The following MYLK variants were observed in gnomAD, a reference collection of about 807,000 sequenced individuals.
The protein encoded by MYLK is myosin light chain kinase, smooth muscle.
Under a neutral mutation model 203.4 loss-of-function variants are expected in MYLK, and 106 were observed. The ratio of observed to expected loss-of-function variants is 0.52; its 90% CI spans 0.45 to 0.61. MYLK has a LOEUF of 0.61. MYLK is among the 20% of genes least tolerant of loss of function. MYLK has a pLI of 0.00. For missense variants in MYLK, 2,072 were observed against 2,442.3 expected (o/e 0.85, Z 3.20); for synonymous variants, 867 against 959.5 (o/e 0.90, Z 1.78).
At chr3:123,713,579 A>AGTGTG (rs2061783782) in intron 13 of MYLK, among the ~76,000 whole-genome samples, 44 of 136,460 alleles carry the variant, frequency 3.2e-4, no homozygotes, top group East Asian at 1.7e-3. Context: ...GAGCAACACA[A>AGTGTG]TGTGTGTGTG....
rs112855952 is a variant in MYLK at position 123,769,964 on chromosome 3, C to T, written c.166-17426G>A. On this transcript the variant is annotated intron_variant, in intron 4 of 33. Transcript: ENST00000360304. ...GCAAGGCTGCTCACGAGTACTAAAG[C>T]TGGCATTAATCCTGGGAGTATACAT... 6.2e-3 allele frequency among the ~76,000 whole-genome samples: 943 copies of T among 152,210 alleles called. 13 individuals are homozygous for T. Among genetic ancestry groups the T allele is most frequent in the African/African-American group, 0.021 (853 of 41,514 alleles).
At chr3:123,693,050 C>G (rs1329625695) in intron 18 of MYLK, among the ~76,000 whole-genome samples, 199 bp from the exon 19 acceptor site, 1 of 152,114 alleles carries the variant, frequency 6.6e-6, no homozygotes, top group Non-Finnish European at 1.5e-5. Flanking sequence ...ATAACTGATC[C>G]CTAAATACGT....
chr3:123,649,295 C>T, intron 24 of MYLK, 101 bp from the exon 25 acceptor site: 2 of 1,480,294 alleles, frequency 1.4e-6, no homozygotes, highest in Non-Finnish European at 1.9e-6. Context: ...CCTCAGCCTC[C>T]CCAGGCAGAC....
At chr3:123,816,349 G>A (rs2065750084) in intron 3 of MYLK, among the ~76,000 whole-genome samples, 1 of 152,234 alleles carries the variant, frequency 6.6e-6, no homozygotes, top group South Asian at 2.1e-4. Context: ...ATAATGGGGG[G>A]AAGATGGTAA....
chr3:123,749,368 G>A (rs1164611150), intron 5 of MYLK, among the ~76,000 whole-genome samples: 2 of 152,100 alleles, frequency 1.3e-5, no homozygotes, highest in Non-Finnish European at 2.9e-5. Flanking sequence ...AGTTCTCAGA[G>A]GGCAGGTACC....
intron 32 of MYLK, among the ~76,000 whole-genome samples, chr3:123,619,934 C>T (rs1439286349): frequency 1.3e-5 from 2 of 151,998 alleles, no homozygotes; most frequent in Non-Finnish European, 2.9e-5. Flanking sequence ...AATTTTAACA[C>T]AAAATATATG....
rs149113391 is a variant in MYLK, at chr3:123,779,356, C to G, written c.165+14321G>C. ...TGCCTGGCTCCCCTCAGCCTAATGC[C>G]TTTTAAGTCAGGATCCAGATTTGAT... is the stretch of plus-strand genomic sequence containing the variant. On this transcript the variant is annotated intron_variant, in intron 4 of 33. Coordinates refer to ENST00000360304, the MANE Select transcript of MYLK (RefSeq NM_053025.4). Among the ~76,000 whole-genome samples the G allele has an allele frequency of 6.6e-3, 1,011 of 152,352 alleles. 8 individuals are homozygous for G. The highest frequency in any genetic ancestry group is 0.011 in the Non-Finnish European group (770 of 68,036).
At chr3:123,651,406 T>C (rs1474786862) in intron 24 of MYLK, among the ~76,000 whole-genome samples, 1 of 152,170 alleles carries the variant, frequency 6.6e-6, no homozygotes, top group East Asian at 1.9e-4. Flanking sequence ...CAATGAGTGA[T>C]GGGACACCAG....
chr3:123,749,548 G>A (rs950514779), intron 5 of MYLK, among the ~76,000 whole-genome samples: 19 of 152,300 alleles, frequency 1.2e-4, no homozygotes, highest in African/African-American at 4.3e-4. Context: ...TCTCTTGGGG[G>A]ATTCTGAATG....
intron 3 of MYLK, among the ~76,000 whole-genome samples, chr3:123,820,296 G>A (rs529577206): frequency 2.2e-4 from 33 of 152,310 alleles, no homozygotes; most frequent in Non-Finnish European, 4.0e-4. Context: ...ATGAATGGGA[G>A]CAGGGAAGTA....
intron 3 of MYLK, among the ~76,000 whole-genome samples, chr3:123,824,189 A>T (rs2066035747): frequency 6.6e-6 from 1 of 151,318 alleles, no homozygotes; most frequent in Admixed American, 6.6e-5. Flanking sequence ...TCCTGGGTCC[A>T]AGTGATTCTC....
intron 3 of MYLK, among the ~76,000 whole-genome samples, chr3:123,810,832 C>T (rs2065533745): frequency 6.6e-6 from 1 of 152,236 alleles, no homozygotes; most frequent in South Asian, 2.1e-4. Context: ...GTCTGCAGGG[C>T]AGTCAGTGAT....
At chr3:123,735,325 G>C in intron 9 of MYLK, 73 bp downstream of exon 9, 1 of 1,567,960 alleles carries the variant, frequency 6.4e-7, no homozygotes, top group Middle Eastern at 1.7e-4. Flanking sequence ...CAGAAATTCA[G>C]GGCATTTCTC....
chr3:123,732,808 T>C (rs1254539341), intron 11 of MYLK, 88 bp downstream of exon 11: 14 of 1,297,374 alleles, frequency 1.1e-5, no homozygotes, highest in African/African-American at 8.8e-5. Context: ...CAGGGGGCTA[T>C]AGGAGATGAA....
chr3:123,744,578 T>C (rs1005172159), intron 5 of MYLK, among the ~76,000 whole-genome samples: 1 of 152,220 alleles, frequency 6.6e-6, no homozygotes, highest in Non-Finnish European at 1.5e-5. Context: ...TTCTCCGTTT[T>C]ATGATACGGG....
rs1208946236 is a variant in MYLK at position 123,611,184 on chromosome 3, CAG to C, written c.*2919_*2920del. ...TTCTTTCCAGACTACATCAAAGAAT[CAG>C]AGAATTATCTAGCCCTACATTTAAC... On this transcript the variant is annotated 3_prime_UTR_variant, in exon 34 of 34. Coordinates refer to ENST00000360304, the MANE Select transcript of MYLK (RefSeq NM_053025.4). 2 of 152,154 alleles carry C rather than the reference CAG, an allele frequency of 1.3e-5. No homozygotes were observed. The highest frequency in any genetic ancestry group is 4.8e-5 in the African/African-American group (2 of 41,442). The allele number at this position is 152,154 out of a possible 1,614,324, so 9.4% of individuals were successfully genotyped here.
In MYLK at chr3:123,708,804, G is replaced by A; in HGVS notation, c.2034C>T (p.His678=). 6.2e-7 allele frequency: 1 copy of A among 1,614,218 alleles called. No individual in the cohort carries two copies. Among genetic ancestry groups the A allele is most frequent in the East Asian group, 2.2e-5 (1 of 44,880 alleles). ...DFHFEQRGTQ[H]SLCIQEVFPE... is the part of the protein sequence containing the mutation. Reference sequence around the variant, plus strand: ...GGAACACTTCCTGGATACAAAGGCTGTGCTGAGTTCCTCTCTGTTCAAAGT... The same window carrying A: ...GGAACACTTCCTGGATACAAAGGCTATGCTGAGTTCCTCTCTGTTCAAAGT... Residue 678 remains histidine (H), a synonymous_variant, in exon 15 of 34, where the codon CAC becomes CAT. Coordinates refer to ENST00000360304, the MANE Select transcript of MYLK (RefSeq NM_053025.4).
At chr3:123,684,824 C>T (rs941992146) in intron 19 of MYLK, among the ~76,000 whole-genome samples, 4 of 152,248 alleles carry the variant, frequency 2.6e-5, no homozygotes, top group South Asian at 2.1e-4. Flanking sequence ...GCGTGAGCCA[C>T]GGCACCCGGC....
At position 123,737,446 on chromosome 3, in the gene MYLK, C is replaced by T. The variant is rs775485777; in HGVS notation, c.686G>A (p.Gly229Glu). Reference sequence around the variant, plus strand: ...GTTCACCACCAGGCACGTGTACACTCCCACGTCATCTTGGTTGACTCCATG... The same window carrying T: ...GTTCACCACCAGGCACGTGTACACTTCCACGTCATCTTGGTTGACTCCATG... ...EIHGVNQDDV[G>E]VYTCLVVNGS... is the part of the protein sequence containing the mutation. The change falls in exon 8 of 34, where the codon GGA becomes GAA. Residue 229 changes from glycine to glutamate, a missense_variant. Physicochemically the swap from Gly to Glu is moderately conservative, Grantham distance 98 (BLOSUM62 -2). This residue lies in a region of MYLK where 683 missense variants were observed against 643.8 expected (regional missense o/e 1.06). Coordinates refer to ENST00000360304, the MANE Select transcript of MYLK (RefSeq NM_053025.4). 4.3e-6 allele frequency: 7 copies of T among 1,614,208 alleles called. No homozygotes were observed. Among genetic ancestry groups the T allele is most frequent in the Non-Finnish European group, 5.1e-6 (6 of 1,180,040 alleles).
Sources: allele counts gnomAD v4.1 joint callset (sites outside exome capture counted in the v4.1 genomes callset), GRCh38; gene constraint gnomAD v4.1.1; regional missense constraint gnomAD v4.1.1; transcripts MANE v1.5; gene names NCBI Gene and HGNC (gene_info 2026-07-23, HGNC 2026-07-21).